Variants in SKA3 observed in about 807,000 individuals in gnomAD.
SKA3 encodes the protein spindle and kinetochore-associated protein 3.
Under a neutral mutation model 44.2 loss-of-function variants are expected in SKA3, and 39 were observed. The ratio of observed to expected loss-of-function variants is 0.88; its 90% CI spans 0.68 to 1.15. SKA3 has a LOEUF of 1.15. SKA3 is among the 50% of genes most tolerant of loss of function. SKA3 has a pLI of 0.00. For missense variants in SKA3, 511 were observed against 485.8 expected (o/e 1.05, Z -0.49); for synonymous variants, 192 against 172.0 (o/e 1.12, Z -0.91).
chr13:21,161,767 A>T, intron 5 of SKA3, 23 bp downstream of exon 5: 5 of 1,570,178 alleles, frequency 3.2e-6, no homozygotes, highest in Non-Finnish European at 3.5e-6. Context: ...GTTCCTGAGA[A>T]GTAACTTGAT....
chr13:21,159,126 T>C (rs1870296041), intron 6 of SKA3, among the ~76,000 whole-genome samples: 1 of 152,252 alleles, frequency 6.6e-6, no homozygotes, highest in South Asian at 2.1e-4. Flanking sequence ...TCTTCAGATA[T>C]ACTAGCCACA....
In SKA3 at chr13:21,154,747, G is replaced by C; in HGVS notation, c.*403C>G. ...AAGGTGTGGGACGGTCCTGAAAGGA[G>C]ATGATGGGAAGGCAGAGCTGGCTGG... On this transcript the variant is annotated 3_prime_UTR_variant, in exon 9 of 9. Coordinates refer to ENST00000314759, the MANE Select transcript of SKA3 (RefSeq NM_145061.6). 3.3e-6 allele frequency: 1 copy of C among 302,230 alleles called. No homozygotes were observed. The highest frequency in any genetic ancestry group is 4.4e-5 in the South Asian group (1 of 22,654). The allele number at this position is 302,230 out of a possible 1,614,324, so 18.7% of individuals were successfully genotyped here.
chr13:21,173,359 C>A (rs112927568), intron 1 of SKA3, among the ~76,000 whole-genome samples: 136 of 152,270 alleles, frequency 8.9e-4, no homozygotes, highest in African/African-American at 3.0e-3. Flanking sequence ...CGGATTCAAG[C>A]GATTCTCCTG....
chr13:21,161,892 G>C lies in SKA3; in HGVS notation c.744-17C>G. The C allele has an allele frequency of 8.6e-7, 1 of 1,166,910 alleles. No homozygotes were observed. Among genetic ancestry groups the C allele is most frequent in the African/African-American group, 1.5e-5 (1 of 68,642 alleles). The allele number at this position is 1,166,910 out of a possible 1,614,324, so 72.3% of individuals were successfully genotyped here. On this transcript the variant is annotated splice_polypyrimidine_tract_variant and intron_variant, in intron 4 of 8. Transcript: ENST00000314759. Reference sequence around the variant, plus strand: ...GCCTCCTCACTGGTGTGATTCATAGGGAAATTACAAGGTTAAAAAAGTTAA... The same window carrying C: ...GCCTCCTCACTGGTGTGATTCATAGCGAAATTACAAGGTTAAAAAAGTTAA...
Position 21,161,859 on chromosome 13 carries a change from T to C in SKA3, c.760A>G (p.Thr254Ala), listed in dbSNP as rs17345690. The C allele has an allele frequency of 0.12, 198,741 of 1,601,594 alleles. 10,413 individuals carry two copies. Among genetic ancestry groups the C allele is most frequent in the Middle Eastern group, 0.16 (948 of 6,030 alleles). Residue 254 changes from threonine (T) to alanine (A), a missense_variant, in exon 5 of 9, where the codon ACA becomes GCA. Transcript: ENST00000314759. ...RNNKSEEAID[T>A]ESRLNDNVFA... ...ACATTATCATTGAGCCTGGATTCTG[T>C]ATCTATGGCCTCCTCACTGGTGTGA...
chr13:21,163,191 T>C (rs1004072901), intron 4 of SKA3, among the ~76,000 whole-genome samples: 2 of 138,230 alleles, frequency 1.4e-5, no homozygotes, highest in Non-Finnish European at 3.1e-5. Flanking sequence ...AGTGAGACCC[T>C]GTCTCTAAAA....
intron 6 of SKA3, among the ~76,000 whole-genome samples, chr13:21,158,740 C>T (rs558369936): frequency 2.4e-4 from 36 of 152,080 alleles, no homozygotes; most frequent in Admixed American, 4.6e-4. Context: ...TGTAGTCAGA[C>T]GAAAATCACA....
chr13:21,158,052 A>C lies in SKA3; in HGVS notation c.989T>G (p.Leu330Trp), dbSNP rs1433839940. ...NDLEVEDRTS[L>W]VLNSDTCFEN... ...AAAGCATGTGTCTGAATTTAAAACCAACGAAGTACGATCTTCAACTTCCAA... is the reference window on the plus strand; with the variant it reads ...AAAGCATGTGTCTGAATTTAAAACCCACGAAGTACGATCTTCAACTTCCAA... Residue 330 changes from leucine (L) to tryptophan (W), a missense_variant, in exon 7 of 9, where the codon TTG (leucine) becomes TGG (tryptophan). By Grantham distance (61) the Leu-to-Trp change is moderately conservative. Coordinates refer to ENST00000314759, the MANE Select transcript of SKA3 (RefSeq NM_145061.6). The C allele has an allele frequency of 1.2e-6, 2 of 1,613,450 alleles. No homozygotes were observed. The highest frequency in any genetic ancestry group is 1.7e-6 in the Non-Finnish European group (2 of 1,179,414).
chr13:21,162,173 AT>A (rs1259154704), intron 4 of SKA3, among the ~76,000 whole-genome samples: 1 of 152,120 alleles, frequency 6.6e-6, no homozygotes, highest in African/African-American at 2.4e-5. Flanking sequence ...AAAACTTGCC[AT>A]TTTTTTAAGA....
chr13:21,155,930 G>C lies in SKA3; in HGVS notation c.1120-119C>G, dbSNP rs551508907. On this transcript the variant is annotated intron_variant, in intron 7 of 8. Coordinates refer to ENST00000314759, the MANE Select transcript of SKA3 (RefSeq NM_145061.6). The stretch of plus-strand genomic sequence containing the variant: ...GGGGCGGGCATGGTGGCTCACGCCT[G>C]CAGTTCCAGCACTTTGGGAGGCCAA... The C allele has an allele frequency of 2.4e-4, 154 of 629,622 alleles. No homozygotes were observed. In the African/African-American group the frequency reaches 2.5e-3, roughly 10 times the overall value. The allele number at this position is 629,622 out of a possible 1,614,324, so 39.0% of individuals were successfully genotyped here. A position where few individuals can be genotyped will look rare whatever the true frequency, so the allele number is the denominator to read the frequency against.
At chr13:21,173,969 A>G (rs1305924814) in intron 1 of SKA3, among the ~76,000 whole-genome samples, 5 of 152,244 alleles carry the variant, frequency 3.3e-5, no homozygotes, top group Non-Finnish European at 2.9e-5. Context: ...CCAGCAGTGC[A>G]TAAGAAGTGC....
At chr13:21,161,043 G>A (rs1045560345) in intron 5 of SKA3, among the ~76,000 whole-genome samples, 3 of 152,130 alleles carry the variant, frequency 2.0e-5, no homozygotes, top group Non-Finnish European at 4.4e-5. Context: ...GACTGGTTGA[G>A]CCCAAGAGGC....
Position 21,155,163 on chromosome 13 carries a change from C to G in SKA3, c.*-13G>C. On this transcript the variant is annotated splice_polypyrimidine_tract_variant and intron_variant, in intron 8 of 8. Transcript: ENST00000314759. ...TCCACTGGAATTTCTGCAACAGATA[C>G]AAATAACAAATATCAATTTAATAAA... The G allele has an allele frequency of 1.7e-6, 2 of 1,210,314 alleles. No individual in the cohort carries two copies. The highest frequency in any genetic ancestry group is 3.9e-5 in the East Asian group (1 of 25,726). 75.0% of individuals were successfully genotyped at this position (1,210,314 alleles called of 1,614,324 possible). A position where few individuals can be genotyped will look rare whatever the true frequency, so the allele number is the denominator to read the frequency against.
chr13:21,174,783 C>CAAT (rs1457723707), intron 1 of SKA3, among the ~76,000 whole-genome samples: 1 of 151,538 alleles, frequency 6.6e-6, no homozygotes, highest in Non-Finnish European at 1.5e-5. Context: ...ACAACAACAA[C>CAAT]AACAACAAAA....
At chr13:21,173,249 T>C (rs1871175887) in intron 1 of SKA3, among the ~76,000 whole-genome samples, 1 of 152,168 alleles carries the variant, frequency 6.6e-6, no homozygotes, top group Non-Finnish European at 1.5e-5. Flanking sequence ...GGGTAAACTT[T>C]AGCCTGATTT....
intron 3 of SKA3, among the ~76,000 whole-genome samples, chr13:21,170,636 G>C (rs1229125096): frequency 1.3e-5 from 2 of 152,202 alleles, no homozygotes; most frequent in Non-Finnish European, 2.9e-5. Context: ...TTTGAGAACA[G>C]AAAGTTCTTG....
chr13:21,170,879 G>C (rs1052637969), intron 3 of SKA3, among the ~76,000 whole-genome samples: 1 of 151,648 alleles, frequency 6.6e-6, no homozygotes. Flanking sequence ...ATGATTCCAC[G>C]TGGGGGGTGG....
chr13:21,176,364 G>T lies in SKA3; in HGVS notation c.103+11C>A. Reference sequence around the variant, plus strand: ...CCCACGCACCGTGCCCTGGCCGCCCGCCTCACGCACCGCTTTCCTCTCCGT... The same window carrying T: ...CCCACGCACCGTGCCCTGGCCGCCCTCCTCACGCACCGCTTTCCTCTCCGT... On this transcript the variant is annotated intron_variant, in intron 1 of 8. Coordinates refer to ENST00000314759, the MANE Select transcript of SKA3 (RefSeq NM_145061.6). 8.4e-7 allele frequency: 1 copy of T among 1,184,592 alleles called. No homozygotes were observed. Among genetic ancestry groups the T allele is most frequent in the Non-Finnish European group, 1.1e-6 (1 of 897,220 alleles). 73.4% of individuals were successfully genotyped at this position (1,184,592 alleles called of 1,614,324 possible).
intron 1 of SKA3, 114 bp from the exon 2 acceptor site, chr13:21,172,795 C>G (rs1377567017): frequency 8.3e-6 from 5 of 600,718 alleles, no homozygotes; most frequent in Non-Finnish European, 1.4e-5. Context: ...TCACAGATCA[C>G]ATATGACAGT....
Sources: gnomAD v4.1 joint callset for allele counts (sites outside exome capture counted in the v4.1 genomes callset) on GRCh38, gnomAD v4.1.1 for gene constraint, MANE v1.5 for transcripts, NCBI Gene and HGNC (gene_info 2026-07-23, HGNC 2026-07-21) for gene names.